Variants in ERC1 observed in about 807,000 individuals in gnomAD.
The protein encoded by ERC1 is ELKS/RAB6-interacting/CAST family member 1.
A neutral mutation model predicts 132.0 loss-of-function variants in ERC1; 56 were observed. The ratio of observed to expected loss-of-function variants is 0.42; its 90% CI spans 0.34 to 0.53. The LOEUF is 0.53. Ranked by LOEUF, ERC1 falls within the 20% of genes least tolerant of loss-of-function variation. The pLI is 0.03. For missense variants in ERC1, 1,202 were observed against 1,349.9 expected, an observed-to-expected ratio of 0.89 and a Z score of 1.72; for synonymous variants, 478 against 476.1, an observed-to-expected ratio of 1.00 and a Z score of -0.05.
At chr12:1,135,152 A>G (rs928776455) in intron 7 of ERC1, among the ~76,000 whole-genome samples, 4 of 152,144 alleles carry the variant, frequency 2.6e-5, no homozygotes, top group Admixed American at 2.0e-4. Flanking sequence ...TACTTGCCCA[A>G]AGGGGGCTTG....
chr12:1,102,569 G>A (rs1593303020), intron 3 of ERC1, among the ~76,000 whole-genome samples: 2 of 152,160 alleles, frequency 1.3e-5, no homozygotes, highest in South Asian at 4.1e-4. Flanking sequence ...ATTCTTGAAC[G>A]TTTGGTAGCC....
At chr12:1,111,725 A>G (rs1446259040) in intron 5 of ERC1, among the ~76,000 whole-genome samples, 1 of 151,038 alleles carries the variant, frequency 6.6e-6, no homozygotes, top group Non-Finnish European at 1.5e-5. Flanking sequence ...TTCAAGCTTC[A>G]GTCTGCTGAG....
chr12:1,187,959 G>A (rs1479223198), intron 11 of ERC1, among the ~76,000 whole-genome samples: 2 of 152,160 alleles, frequency 1.3e-5, no homozygotes, highest in Admixed American at 6.5e-5. Flanking sequence ...TAACAAAAGC[G>A]ACACTTTCTA....
intron 18 of ERC1, among the ~76,000 whole-genome samples, chr12:1,455,360 G>A (rs1250017078): frequency 1.3e-5 from 2 of 152,132 alleles, no homozygotes; most frequent in African/African-American, 2.4e-5. Flanking sequence ...CCTCTCTTCA[G>A]CACGCCCCAA....
chr12:1,013,806 G>A (rs537719307), intron 1 of ERC1, among the ~76,000 whole-genome samples: 14 of 152,152 alleles, frequency 9.2e-5, no homozygotes, highest in South Asian at 8.3e-4. Flanking sequence ...ATCATAGGTC[G>A]CTGCAGCCTT....
intron 17 of ERC1, among the ~76,000 whole-genome samples, chr12:1,418,272 A>G (rs2092219650): frequency 6.6e-6 from 1 of 152,234 alleles, no homozygotes. Context: ...AGAAGCAGGA[A>G]GGTCTCTCTG....
At chr12:1,321,571 C>T (rs1306281291) in intron 15 of ERC1, among the ~76,000 whole-genome samples, 1 of 152,198 alleles carries the variant, frequency 6.6e-6, no homozygotes, top group Admixed American at 6.5e-5. Context: ...CTCGAGACCT[C>T]TAAAGCTTGT....
intron 4 of ERC1, among the ~76,000 whole-genome samples, chr12:1,107,091 C>T (rs938656672): frequency 1.3e-5 from 2 of 152,178 alleles, no homozygotes; most frequent in East Asian, 1.9e-4. Flanking sequence ...TCCTCTTTCG[C>T]CTCTTCTTCC....
At chr12:1,009,421 ACCTCGGCCTC>A (rs1310773736) in intron 1 of ERC1, among the ~76,000 whole-genome samples, 1 of 151,932 alleles carries the variant, frequency 6.6e-6, no homozygotes, top group Non-Finnish European at 1.5e-5. Flanking sequence ...TGATCCGCCC[ACCTCGGCCTC>A]CCAAAGTGCT....
intron 2 of ERC1, among the ~76,000 whole-genome samples, chr12:1,066,836 CA>C (rs35134824): frequency 1.7e-3 from 226 of 130,202 alleles, no homozygotes; most frequent in African/African-American, 5.0e-3. Flanking sequence ...GACTCTGTCT[CA>C]AAAAAAAAAA....
At chr12:1,356,126 C>G (rs2085497692) in intron 15 of ERC1, among the ~76,000 whole-genome samples, 1 of 151,354 alleles carries the variant, frequency 6.6e-6, no homozygotes, top group Admixed American at 6.6e-5. Context: ...ATCGCTTGAG[C>G]CTAGGAGGTC....
intron 15 of ERC1, among the ~76,000 whole-genome samples, chr12:1,318,093 A>G (rs1285447461): frequency 2.6e-5 from 4 of 152,264 alleles, no homozygotes; most frequent in African/African-American, 4.8e-5. Flanking sequence ...AGTTAGAACT[A>G]AAATTTCCAT....
At position 1,341,069 on chromosome 12, in the gene ERC1, C is replaced by CTTTTTTTTTTTTTTTTTTTTTTT. The variant is rs35902573; in HGVS notation, c.2781-30744_2781-30722dup. On this transcript the variant is annotated intron_variant, in intron 15 of 18. Transcript: ENST00000360905. ...AATGTCCACTTATTCTTTTCTTTTT[C>CTTTTTTTTTTTTTTTTTTTTTTT]TTTTTTTTTTTTTTTTTTTTTTTTT... is the stretch of plus-strand genomic sequence containing the variant. Among the ~76,000 whole-genome samples the CTTTTTTTTTTTTTTTTTTTTTTT allele has an allele frequency of 9.5e-4, 60 of 63,150 alleles. 23 individuals are homozygous for CTTTTTTTTTTTTTTTTTTTTTTT. The highest frequency in any genetic ancestry group is 2.9e-3 in the East Asian group (4 of 1,372). 41.4% of individuals were successfully genotyped at this position (63,150 alleles called of 152,430 possible).
At chr12:1,376,002 C>G (rs1239899114) in intron 16 of ERC1, among the ~76,000 whole-genome samples, 1 of 152,092 alleles carries the variant, frequency 6.6e-6, no homozygotes, top group Non-Finnish European at 1.5e-5. Flanking sequence ...TCCCAAAGTG[C>G]TGGGATTACA....
chr12:1,332,464 G>A (rs1485119132), intron 15 of ERC1, among the ~76,000 whole-genome samples: 2 of 152,158 alleles, frequency 1.3e-5, no homozygotes, highest in African/African-American at 4.8e-5. Context: ...GTCCCTTCAT[G>A]TTTAAGGAGA....
rs557172250 is a variant in ERC1 at position 1,279,512 on chromosome 12, A to T, written c.2620-10340A>T. Among the ~76,000 whole-genome samples, 4 of 152,220 alleles carry T rather than the reference A, an allele frequency of 2.6e-5. No individual in the cohort carries two copies. The East Asian group carries it at 7.7e-4, about 29-fold the overall frequency. On this transcript the variant is annotated intron_variant, in intron 14 of 18. Transcript: ENST00000360905. ...AAATTTAGGCTCGAGTTTTCATTTT[A>T]TTCAGCAAAAGGACTGTATCTGTGT...
At chr12:1,168,736 C>T (rs1049506557) in intron 8 of ERC1, among the ~76,000 whole-genome samples, 2 of 152,082 alleles carry the variant, frequency 1.3e-5, no homozygotes, top group Non-Finnish European at 2.9e-5. Flanking sequence ...ATCTGCCCGC[C>T]TCGGCCTCCC....
intron 2 of ERC1, among the ~76,000 whole-genome samples, chr12:1,041,209 C>CT (rs35597759): frequency 0.018 from 2,538 of 142,260 alleles, 57 homozygotes; most frequent in African/African-American, 0.06. Flanking sequence ...GTCTCTCTTT[C>CT]TTTTTTTTTT....
chr12:1,481,651 G>A (rs2094094205), intron 18 of ERC1, among the ~76,000 whole-genome samples: 1 of 152,208 alleles, frequency 6.6e-6, no homozygotes, highest in African/African-American at 2.4e-5. Context: ...ACTCCAGCTA[G>A]TGAAGGAACA....
Sources: allele counts gnomAD v4.1 joint callset (sites outside exome capture counted in the v4.1 genomes callset), GRCh38; gene constraint gnomAD v4.1.1; transcripts MANE v1.5; gene names NCBI Gene and HGNC (gene_info 2026-07-23, HGNC 2026-07-21).